The following ANO10 variants were observed in gnomAD, a reference collection of about 807,000 sequenced individuals.
ANO10 encodes anoctamin 10.
Under a neutral mutation model 74.7 loss-of-function variants are expected in ANO10, and 77 were observed. The ratio of observed to expected loss-of-function variants is 1.03; its 90% CI spans 0.86 to 1.25. ANO10 has a LOEUF of 1.25. ANO10 is among the 50% of genes most tolerant of loss of function. The pLI is 0.00. For missense variants in ANO10, 721 were observed against 778.1 expected (o/e 0.93, Z 0.87); for synonymous variants, 279 against 284.9 (o/e 0.98, Z 0.21).
intron 12 of ANO10, among the ~76,000 whole-genome samples, chr3:43,399,598 G>C (rs1478030158): frequency 6.6e-6 from 1 of 152,174 alleles, no homozygotes; most frequent in Non-Finnish European, 1.5e-5. Flanking sequence ...GTAGCTTCCA[G>C]AGGTTTGCTC....
chr3:43,627,795 AGT>A (rs1012498798), intron 1 of ANO10, among the ~76,000 whole-genome samples: 5 of 151,516 alleles, frequency 3.3e-5, no homozygotes, highest in Admixed American at 3.3e-4. Context: ...TCTTCTGATT[AGT>A]TGCTGCACAT....
chr3:43,467,720 G>A (rs1230786062), intron 11 of ANO10, among the ~76,000 whole-genome samples: 7 of 152,152 alleles, frequency 4.6e-5, no homozygotes, highest in Non-Finnish European at 1.0e-4. Flanking sequence ...TTTAAAATGG[G>A]TCCTCTTTAT....
At chr3:43,565,248 T>C (rs2080253965) in intron 8 of ANO10, among the ~76,000 whole-genome samples, 1 of 152,178 alleles carries the variant, frequency 6.6e-6, no homozygotes, top group Admixed American at 6.5e-5. Flanking sequence ...CAGCACTGCA[T>C]AGGATCCACT....
At chr3:43,554,338 C>T (rs1575413551) in intron 10 of ANO10, among the ~76,000 whole-genome samples, 1 of 151,890 alleles carries the variant, frequency 6.6e-6, no homozygotes, top group Admixed American at 6.6e-5. Flanking sequence ...GGATTACAGG[C>T]GCCCAGCAGC....
chr3:43,678,541 C>T (rs575812669), intron 1 of ANO10, among the ~76,000 whole-genome samples: 15 of 152,250 alleles, frequency 9.9e-5, no homozygotes, highest in South Asian at 6.2e-4. Context: ...TTCTGATTAC[C>T]GGTGCATGCA....
chr3:43,465,575 C>T (rs1408520257), intron 11 of ANO10, among the ~76,000 whole-genome samples: 1 of 152,140 alleles, frequency 6.6e-6, no homozygotes, highest in Non-Finnish European at 1.5e-5. Context: ...ATCAATTTAA[C>T]CTGGTAGGCA....
intron 11 of ANO10, among the ~76,000 whole-genome samples, chr3:43,507,916 A>G (rs767813765): frequency 1.3e-5 from 2 of 152,344 alleles, no homozygotes; most frequent in Middle Eastern, 3.4e-3. Flanking sequence ...GTCATCAAAC[A>G]AAAAGGAAAT....
At chr3:43,515,284 C>T (rs144847643) in intron 11 of ANO10, among the ~76,000 whole-genome samples, 2 of 152,252 alleles carry the variant, frequency 1.3e-5, no homozygotes, top group African/African-American at 2.4e-5. Flanking sequence ...CAAAAACCTC[C>T]CTCAATGTGG....
At chr3:43,436,655 C>T (rs2093071968) in intron 11 of ANO10, among the ~76,000 whole-genome samples, 1 of 152,140 alleles carries the variant, frequency 6.6e-6, no homozygotes, top group African/African-American at 2.4e-5. Context: ...TAAATGTTTT[C>T]CAGTGCCAGC....
intron 1 of ANO10, among the ~76,000 whole-genome samples, chr3:43,671,650 C>G (rs1428460126): frequency 2.0e-5 from 3 of 152,026 alleles, no homozygotes; most frequent in African/African-American, 4.8e-5. Context: ...TAATTTGTGT[C>G]TACATAAACC....
intron 7 of ANO10, among the ~76,000 whole-genome samples, chr3:43,566,155 T>C (rs1314216882): frequency 6.6e-6 from 1 of 152,056 alleles, no homozygotes; most frequent in African/African-American, 2.4e-5. Flanking sequence ...CACCACGAGA[T>C]TATATCCTGC....
intron 11 of ANO10, among the ~76,000 whole-genome samples, chr3:43,527,035 A>AC (rs2078236138): frequency 5.9e-5 from 2 of 34,172 alleles, no homozygotes; most frequent in South Asian, 3.1e-3. Context: ...AATGGATGTA[A>AC]AACACACACA....
intron 11 of ANO10, among the ~76,000 whole-genome samples, chr3:43,529,867 A>G (rs187728197): frequency 6.6e-6 from 1 of 152,290 alleles, no homozygotes; most frequent in African/African-American, 2.4e-5. Flanking sequence ...AACATGGTAA[A>G]TATAACATAA....
intron 11 of ANO10, among the ~76,000 whole-genome samples, chr3:43,537,425 G>A (rs1235177636): frequency 6.6e-6 from 1 of 152,120 alleles, no homozygotes; most frequent in African/African-American, 2.4e-5. Context: ...AGTTCTGTGT[G>A]AAGTGCTGAA....
intron 11 of ANO10, among the ~76,000 whole-genome samples, chr3:43,509,313 C>T (rs1054788164): frequency 4.6e-5 from 7 of 151,832 alleles, no homozygotes; most frequent in Admixed American, 3.3e-4. Flanking sequence ...CACATGTACA[C>T]GTATGTAACA....
Position 43,406,905 on chromosome 3 carries a change from A to AT in ANO10, c.1914+25705dup, listed in dbSNP as rs34174829. Among the ~76,000 whole-genome samples the AT allele has an allele frequency of 6.8e-3, 973 of 143,284 alleles. 6 individuals are homozygous for AT. Among genetic ancestry groups the AT allele is most frequent in the Non-Finnish European group, 8.8e-3 (573 of 65,286 alleles). The allele number at this position is 143,284 out of a possible 152,430, so 94.0% of individuals were successfully genotyped here. A position where few individuals can be genotyped will look rare whatever the true frequency, so the allele number is the denominator to read the frequency against. On this transcript the variant is annotated intron_variant, in intron 12 of 12. Transcript: ENST00000292246. ...GTGCACGCTGAGTCTCGCAACAGAG[A>AT]TTTTTTTTTTTTTTTTGAGAGGGAA...
rs554797664 is a variant in ANO10 at position 43,657,656 on chromosome 3, T to C, written c.-12+33861A>G. Reference sequence around the variant, plus strand: ...ATCTGACTGGCGGCATCTGCCCATATACTTCTTGCTATGAGATGTCTTTCT... The same window carrying C: ...ATCTGACTGGCGGCATCTGCCCATACACTTCTTGCTATGAGATGTCTTTCT... On this transcript the variant is annotated intron_variant, in intron 1 of 3. Transcript: ENST00000413397. Among the ~76,000 whole-genome samples, 3 of 152,350 alleles carry C rather than the reference T, an allele frequency of 2.0e-5. No individual in the cohort carries two copies. The South Asian group carries it at 6.2e-4, about 32-fold the overall frequency.
chr3:43,440,898 A>G (rs74350316), intron 11 of ANO10, among the ~76,000 whole-genome samples: 11,842 of 152,162 alleles, frequency 0.078, 635 homozygotes, highest in African/African-American at 0.14. Context: ...AAGCAAAAGG[A>G]AAGTGGAAAA....
At chr3:43,630,177 T>C (rs769208843) in intron 1 of ANO10, among the ~76,000 whole-genome samples, 4 of 152,148 alleles carry the variant, frequency 2.6e-5, no homozygotes, top group East Asian at 1.9e-4. Context: ...AGATAAGAAC[T>C]GAAAAAATAA....
Sources: gnomAD v4.1 joint callset for allele counts (sites outside exome capture counted in the v4.1 genomes callset) on GRCh38, gnomAD v4.1.1 for gene constraint, MANE v1.5 for transcripts, NCBI Gene and HGNC (gene_info 2026-07-23, HGNC 2026-07-21) for gene names.